The following RFX3 variants were observed in gnomAD, a reference collection of about 807,000 sequenced individuals.
The protein encoded by RFX3 is regulatory factor X3.
RFX3 carries 14 observed loss-of-function variants against 98.6 expected under a neutral mutation model. The observed-to-expected ratio is 0.14, with a 90% confidence interval of 0.09 to 0.22. The LOEUF (loss-of-function observed/expected upper bound fraction) is 0.22, where lower values mean the gene tolerates loss of function less well. Ranked by LOEUF, RFX3 falls within the 10% of genes least tolerant of loss-of-function variation. The pLI is 1.00. For missense variants in RFX3, 639 were observed against 926.9 expected (o/e 0.69, Z 4.03); for synonymous variants, 383 against 328.4 (o/e 1.17, Z -1.80).
At position 3,363,071 on chromosome 9, in the gene RFX3, C is replaced by G. The variant is rs555873419; in HGVS notation, c.118-16307G>C. Among the ~76,000 whole-genome samples, 3 of 152,218 alleles carry G rather than the reference C, an allele frequency of 2.0e-5. No individual in the cohort carries two copies. The East Asian group carries it at 5.8e-4, about 29-fold the overall frequency. On this transcript the variant is annotated intron_variant, in intron 2 of 16. Transcript: ENST00000617270. Reference sequence around the variant, plus strand: ...TAACACTGTATTAAGCATTATTTCCCTTGGGTCCTAGCAGAGCCTACCAAT... The same window carrying G: ...TAACACTGTATTAAGCATTATTTCCGTTGGGTCCTAGCAGAGCCTACCAAT...
intron 1 of RFX3, among the ~76,000 whole-genome samples, chr9:3,414,349 A>G (rs1842703902): frequency 6.6e-6 from 1 of 152,046 alleles, no homozygotes; most frequent in Admixed American, 6.6e-5. Flanking sequence ...TTAAGAGTAA[A>G]GTCATTATCT....
intron 1 of RFX3, among the ~76,000 whole-genome samples, chr9:3,506,462 T>C (rs1037138122): frequency 2.0e-5 from 3 of 151,806 alleles, no homozygotes; most frequent in African/African-American, 7.3e-5. Flanking sequence ...AACCCAAAGT[T>C]TGGGATATTC....
intron 1 of RFX3, among the ~76,000 whole-genome samples, chr9:3,493,661 G>A (rs1850891130): frequency 7.2e-6 from 1 of 139,726 alleles, no homozygotes; most frequent in East Asian, 2.1e-4. Flanking sequence ...TCCAGCCTGG[G>A]CGACAAAGCG....
chr9:3,239,092 C>G (rs1170785216), intron 15 of RFX3, among the ~76,000 whole-genome samples: 1 of 151,878 alleles, frequency 6.6e-6, no homozygotes, highest in African/African-American at 2.4e-5. Flanking sequence ...AAAGAAACAT[C>G]TTGAAATTTC....
chr9:3,504,126 T>C (rs1033683633), intron 1 of RFX3, among the ~76,000 whole-genome samples: 3 of 128,692 alleles, frequency 2.3e-5, no homozygotes, highest in African/African-American at 7.3e-5. Context: ...TCTCCCTCTC[T>C]CTTTATATAT....
chr9:3,516,052 A>C (rs1488810545), intron 1 of RFX3, among the ~76,000 whole-genome samples: 2 of 151,836 alleles, frequency 1.3e-5, no homozygotes, highest in Non-Finnish European at 2.9e-5. Flanking sequence ...AGTAAAAAAA[A>C]AAATTTTTTT....
chr9:3,445,258 G>T (rs186997544), intron 1 of RFX3, among the ~76,000 whole-genome samples: 7 of 148,630 alleles, frequency 4.7e-5, no homozygotes, highest in Admixed American at 6.6e-5. Context: ...AATTTATTGA[G>T]AGAAGGGAGC....
rs545802540 is a variant in RFX3 at position 3,332,379 on chromosome 9, A to C, written c.216-1862T>G. ...AATATTTTAAATAATTTTGTGCATG[A>C]CACCAAGTTAGTATATATTGAACCA... On this transcript the variant is annotated intron_variant, in intron 3 of 16. Coordinates refer to ENST00000617270, the MANE Select transcript of RFX3 (RefSeq NM_001282116.2). Among the ~76,000 whole-genome samples the C allele has an allele frequency of 9.8e-5, 15 of 152,302 alleles. 2 individuals are homozygous for C. The highest frequency in any genetic ancestry group is 3.4e-4 in the African/African-American group (14 of 41,572).
At chr9:3,381,425 G>A (rs1025429614) in intron 2 of RFX3, among the ~76,000 whole-genome samples, 1 of 151,962 alleles carries the variant, frequency 6.6e-6, no homozygotes, top group Non-Finnish European at 1.5e-5. Flanking sequence ...AAAAACTTCA[G>A]AAATAATTTT....
intron 15 of RFX3, among the ~76,000 whole-genome samples, chr9:3,239,000 GAAA>G (rs571555250): frequency 9.6e-6 from 1 of 103,888 alleles, no homozygotes. Flanking sequence ...CCATCTCAAA[GAAA>G]AAAAAAAAAA....
At chr9:3,366,271 T>C (rs1362886742) in intron 2 of RFX3, among the ~76,000 whole-genome samples, 1 of 152,134 alleles carries the variant, frequency 6.6e-6, no homozygotes, top group Non-Finnish European at 1.5e-5. Context: ...AGAGTACATA[T>C]AGTATAGGAA....
chr9:3,323,028 T>C (rs1049281465), intron 4 of RFX3, among the ~76,000 whole-genome samples: 4 of 152,212 alleles, frequency 2.6e-5, no homozygotes, highest in Non-Finnish European at 5.9e-5. Context: ...TCTAAGTCCG[T>C]AGATTACAAA....
Position 3,501,260 on chromosome 9 carries a change from T to C in RFX3, c.-9+24487A>G, listed in dbSNP as rs577931155. The stretch of plus-strand genomic sequence containing the variant: ...AAAAATCAAAGATCCTCAGTAAATG[T>C]TGCCAAATAGAACAGATTTTTCTTA... On this transcript the variant is annotated intron_variant, in intron 1 of 16. Transcript: ENST00000617270. Among the ~76,000 whole-genome samples the C allele has an allele frequency of 2.0e-5, 3 of 152,290 alleles. No homozygotes were observed. In the East Asian group the frequency reaches 5.8e-4, roughly 29 times the overall value.
intron 4 of RFX3, among the ~76,000 whole-genome samples, chr9:3,324,936 C>G (rs998761084): frequency 2.0e-5 from 3 of 151,924 alleles, no homozygotes; most frequent in African/African-American, 7.3e-5. Context: ...TGCACTCCAG[C>G]CTGGGTGGCA....
intron 13 of RFX3, among the ~76,000 whole-genome samples, chr9:3,258,051 A>T (rs112473079): frequency 4.2e-4 from 64 of 152,286 alleles, no homozygotes; most frequent in African/African-American, 1.4e-3. Context: ...GCAAAACATA[A>T]TTCTTTGGTA....
chr9:3,297,904 T>C (rs903339315), intron 5 of RFX3, among the ~76,000 whole-genome samples: 1 of 151,914 alleles, frequency 6.6e-6, no homozygotes, highest in African/African-American at 2.4e-5. Context: ...AAATTTACAA[T>C]GTAAAATAAG....
At chr9:3,505,355 A>AT (rs1277861479) in intron 1 of RFX3, among the ~76,000 whole-genome samples, 3 of 12,478 alleles carry the variant, frequency 2.4e-4, no homozygotes, top group Non-Finnish European at 3.5e-4. Flanking sequence ...AATATTTTAT[A>AT]TTTATATAAA....
intron 14 of RFX3, among the ~76,000 whole-genome samples, chr9:3,250,435 A>G (rs1232133167): frequency 1.3e-5 from 2 of 152,112 alleles, no homozygotes; most frequent in African/African-American, 4.8e-5. Context: ...TATATAATCT[A>G]TAAAGCTGTC....
chr9:3,348,760 C>T (rs1834743447), intron 2 of RFX3, among the ~76,000 whole-genome samples: 1 of 151,698 alleles, frequency 6.6e-6, no homozygotes, highest in Non-Finnish European at 1.5e-5. Context: ...TAATGATTTT[C>T]AATCCTAGCA....
Sources: gnomAD v4.1 joint callset for allele counts (sites outside exome capture counted in the v4.1 genomes callset) on GRCh38, gnomAD v4.1.1 for gene constraint, MANE v1.5 for transcripts, NCBI Gene and HGNC (gene_info 2026-07-23, HGNC 2026-07-21) for gene names.